The following SNTG2 variants were observed in gnomAD, a reference collection of about 807,000 sequenced individuals.
SNTG2 encodes the protein gamma-2-syntrophin.
In SNTG2, 74 loss-of-function variants were observed where a neutral mutation model predicts 70.9. The ratio of observed to expected loss-of-function variants is 1.04; its 90% CI spans 0.86 to 1.27. The LOEUF (loss-of-function observed/expected upper bound fraction) is 1.27. SNTG2 is among the 50% of genes most tolerant of loss of function. The probability of loss-of-function intolerance (pLI) is 0.00; values close to 1 mark genes in which losing one functional copy is unlikely to be tolerated. For missense variants in SNTG2, 717 were observed against 690.7 expected (o/e 1.04, Z -0.43); for synonymous variants, 278 against 273.8 (o/e 1.02, Z -0.15).
intron 13 of SNTG2, among the ~76,000 whole-genome samples, 159 bp downstream of exon 13, chr2:1,259,600 G>C (rs1377819428): frequency 6.6e-6 from 1 of 152,134 alleles, no homozygotes; most frequent in African/African-American, 2.4e-5. Flanking sequence ...GCCCTACCTG[G>C]TACATGGGTT....
At chr2:1,211,493 A>T (rs1473683169) in intron 9 of SNTG2, among the ~76,000 whole-genome samples, 1 of 152,162 alleles carries the variant, frequency 6.6e-6, no homozygotes, top group Non-Finnish European at 1.5e-5. Flanking sequence ...GTCCATTTTC[A>T]TACTACTGTG....
chr2:1,046,711 C>T (rs935165361), intron 1 of SNTG2, among the ~76,000 whole-genome samples: 1 of 152,100 alleles, frequency 6.6e-6, no homozygotes, highest in Non-Finnish European at 1.5e-5. Flanking sequence ...TGTAGGGTTT[C>T]TGCTGAAAGG....
At position 954,167 on chromosome 2, in the gene SNTG2, C is replaced by T. The variant is rs368190457; in HGVS notation, c.72+3099C>T. Among the ~76,000 whole-genome samples the T allele has an allele frequency of 3.3e-5, 5 of 152,118 alleles. No individual in the cohort carries two copies. The South Asian group carries it at 8.3e-4, about 25-fold the overall frequency. On this transcript the variant is annotated intron_variant, in intron 1 of 16. Transcript: ENST00000308624. ...CTGCGCACCCCTAGCTCCTGCGCTG[C>T]TGGGCATGGGGCGGACACAGGCAGG...
intron 1 of SNTG2, among the ~76,000 whole-genome samples, chr2:1,021,026 A>G (rs916686258): frequency 2.0e-5 from 3 of 152,114 alleles, no homozygotes; most frequent in African/African-American, 7.3e-5. Context: ...CATCAACTAT[A>G]GAGACACTGT....
intron 1 of SNTG2, among the ~76,000 whole-genome samples, chr2:1,081,767 G>C (rs1320250612): frequency 1.3e-5 from 2 of 152,230 alleles, no homozygotes; most frequent in Admixed American, 1.3e-4. Flanking sequence ...CAGCCCCCTG[G>C]GGTCAGCGAA....
chr2:1,072,339 T>C (rs1663623891), intron 1 of SNTG2, among the ~76,000 whole-genome samples: 2 of 19,026 alleles, frequency 1.1e-4, no homozygotes, highest in African/African-American at 1.7e-4. Flanking sequence ...TTTCTTTTCT[T>C]TTTCTTTTTC....
chr2:1,142,067 C>T (rs897311843), intron 6 of SNTG2, among the ~76,000 whole-genome samples: 3 of 152,176 alleles, frequency 2.0e-5, no homozygotes, highest in Non-Finnish European at 4.4e-5. Context: ...ACTTGGACTT[C>T]CCTTTATTCA....
intron 16 of SNTG2, among the ~76,000 whole-genome samples, chr2:1,350,423 C>G (rs1305945882): frequency 1.3e-5 from 2 of 152,230 alleles, no homozygotes; most frequent in African/African-American, 4.8e-5. Flanking sequence ...AATGTGTTCT[C>G]TGCCTCTTAG....
intron 12 of SNTG2, among the ~76,000 whole-genome samples, chr2:1,257,566 AG>A (rs1462136963): frequency 6.6e-6 from 1 of 152,222 alleles, no homozygotes; most frequent in Non-Finnish European, 1.5e-5. Flanking sequence ...CAAAGAGCAC[AG>A]CCCCCTCCAA....
intron 9 of SNTG2, among the ~76,000 whole-genome samples, chr2:1,222,558 GCGGT>G (rs1675371371): frequency 2.1e-5 from 1 of 48,736 alleles, no homozygotes; most frequent in Non-Finnish European, 4.2e-5. Context: ...GTAGAGGAAA[GCGGT>G]GCAGTGATGG....
At chr2:1,164,882 C>T (rs1319011562) in intron 6 of SNTG2, among the ~76,000 whole-genome samples, 1 of 152,206 alleles carries the variant, frequency 6.6e-6, no homozygotes, top group East Asian at 1.9e-4. Flanking sequence ...TATGGGAAGA[C>T]ACAGATGCAG....
intron 8 of SNTG2, among the ~76,000 whole-genome samples, chr2:1,205,022 G>GA (rs1673541369): frequency 6.6e-6 from 1 of 152,036 alleles, no homozygotes; most frequent in South Asian, 2.1e-4. Flanking sequence ...AAACCAAATA[G>GA]AAAAAGACCA....
At chr2:1,274,059 G>T (rs1380671494) in intron 14 of SNTG2, among the ~76,000 whole-genome samples, 1 of 152,198 alleles carries the variant, frequency 6.6e-6, no homozygotes, top group Non-Finnish European at 1.5e-5. Context: ...CAAATCATTA[G>T]CATGTAGGGA....
chr2:1,149,207 G>GAA (rs1356472079), intron 6 of SNTG2, among the ~76,000 whole-genome samples: 9 of 30,016 alleles, frequency 3.0e-4, no homozygotes, highest in Non-Finnish European at 8.6e-4. Flanking sequence ...GTGTGTGTGT[G>GAA]TGAGAGAGAG....
Position 1,173,081 on chromosome 2 carries a change from T to C in SNTG2, c.500-11T>C, listed in dbSNP as rs751244439. The C allele has an allele frequency of 1.2e-5, 20 of 1,612,866 alleles. No homozygotes were observed. The South Asian group carries it at 2.1e-4, about 17-fold the overall frequency. On this transcript the variant is annotated splice_polypyrimidine_tract_variant and intron_variant, in intron 7 of 16. Coordinates refer to ENST00000308624, the MANE Select transcript of SNTG2 (RefSeq NM_018968.4). ...CACCAATTGGAAGGGACTTCTCTTG[T>C]TTTGCTGCAGGGTCCCCAGGGCCAT...
At chr2:1,243,951 T>C (rs1677220408) in intron 11 of SNTG2, among the ~76,000 whole-genome samples, 1 of 151,982 alleles carries the variant, frequency 6.6e-6, no homozygotes, top group Non-Finnish European at 1.5e-5. Flanking sequence ...GCTTCAACCC[T>C]GGAGGCGGAG....
At chr2:1,226,563 C>T (rs538299163) in intron 9 of SNTG2, among the ~76,000 whole-genome samples, 58 of 152,136 alleles carry the variant, frequency 3.8e-4, no homozygotes, top group African/African-American at 1.3e-3. Flanking sequence ...CTCCTGGACA[C>T]GGAAGCCTGT....
At chr2:1,125,562 G>T (rs1259421264) in intron 4 of SNTG2, among the ~76,000 whole-genome samples, 1 of 152,104 alleles carries the variant, frequency 6.6e-6, no homozygotes, top group Non-Finnish European at 1.5e-5. Flanking sequence ...CTCCAAAACA[G>T]AATTGTTTTC....
At chr2:970,367 A>C (rs1022292142) in intron 1 of SNTG2, among the ~76,000 whole-genome samples, 2 of 150,508 alleles carry the variant, frequency 1.3e-5, no homozygotes, top group Admixed American at 1.3e-4. Flanking sequence ...CGCTGCACCC[A>C]CTAACTCATC....
Sources: allele counts gnomAD v4.1 joint callset (sites outside exome capture counted in the v4.1 genomes callset), GRCh38; gene constraint gnomAD v4.1.1; transcripts MANE v1.5; gene names NCBI Gene and HGNC (gene_info 2026-07-23, HGNC 2026-07-21).